RPL26L1: variants seen among roughly 807,000 people sequenced by gnomAD.
The protein encoded by RPL26L1 is ribosomal protein L26 like 1, also known as ribosomal protein uL24-like.
A neutral mutation model predicts 15.2 loss-of-function variants in RPL26L1; 8 were observed. The observed-to-expected ratio is 0.53, with a 90% confidence interval of 0.31 to 0.95. The LOEUF (loss-of-function observed/expected upper bound fraction) is 0.95. Ranked by LOEUF, RPL26L1 falls within the 40% of genes least tolerant of loss-of-function variation. The pLI is 0.05. For synonymous variants in RPL26L1, 51 were observed against 65.9 expected, an observed-to-expected ratio of 0.77 and a Z score of 1.09; for missense variants, 146 against 190.9, an observed-to-expected ratio of 0.76 and a Z score of 1.39.
At chr5:172,955,340 G>C (rs1561751828), upstream of RPL26L1, 2 of 236,660 alleles carry the variant, frequency 8.5e-6, no homozygotes, top group Non-Finnish European at 1.7e-5. Flanking sequence ...TATTGGTCAG[G>C]CTGGTCTCGA....
intron 2 of RPL26L1, among the ~76,000 whole-genome samples, chr5:172,967,336 G>A (rs1471263745): frequency 5.3e-5 from 8 of 152,010 alleles, no homozygotes; most frequent in African/African-American, 9.7e-5. Flanking sequence ...CTGCTGGTGC[G>A]TGCCTATAAT....
At chr5:172,964,964 G>A (rs924016552) in intron 2 of RPL26L1, among the ~76,000 whole-genome samples, 7 of 152,208 alleles carry the variant, frequency 4.6e-5, no homozygotes, top group East Asian at 1.9e-4. Context: ...CAGGTGGATC[G>A]CTTGAGGCCA....
upstream of RPL26L1, chr5:172,956,036 G>A (rs1415817176): frequency 3.9e-5 from 6 of 152,184 alleles, no homozygotes; most frequent in Non-Finnish European, 8.8e-5. Flanking sequence ...AACCTGCAGA[G>A]AAAATCTAAA....
rs1755131990 is a variant in RPL26L1 at position 172,959,485 on chromosome 5, G to T, written c.-10+17G>T. On this transcript the variant is annotated intron_variant, in intron 1 of 3. Transcript: ENST00000265100. ...AGTAGCCGGGTGAGTGGAGGCTGGA[G>T]TTTTCTCGGACAGTGAACTCTACCG... The T allele has an allele frequency of 9.7e-7, 1 of 1,025,704 alleles. No homozygotes were observed. Among genetic ancestry groups the T allele is most frequent in the Non-Finnish European group, 1.2e-6 (1 of 850,822 alleles). 63.5% of individuals were successfully genotyped at this position (1,025,704 alleles called of 1,614,324 possible). A position where few individuals can be genotyped will look rare whatever the true frequency, so the allele number is the denominator to read the frequency against.
chr5:172,955,243 T>A (rs1377000761), upstream of RPL26L1: 2 of 334,920 alleles, frequency 6.0e-6, no homozygotes, highest in Non-Finnish European at 1.2e-5. Flanking sequence ...GTTCTCCTGT[T>A]TCAGCCTCCT....
chr5:172,959,904 C>A lies in RPL26L1; in HGVS notation c.31C>A (p.Arg11Ser). 2 of 1,614,092 alleles carry A rather than the reference C, an allele frequency of 1.2e-6. No individual in the cohort carries two copies. Among genetic ancestry groups the A allele is most frequent in the South Asian group, 1.1e-5 (1 of 91,080 alleles). Reference protein sequence around the residue: MKFNPFVTSDRSKNRKRHFNA... With the variant: MKFNPFVTSDSSKNRKRHFNA... Reference sequence around the variant, plus strand: ...GTTCAATCCCTTCGTTACCTCGGACCGCAGTAAAAACCGCAAACGTCACTT... The same window carrying A: ...GTTCAATCCCTTCGTTACCTCGGACAGCAGTAAAAACCGCAAACGTCACTT... The change falls in exon 2 of 4, where the codon CGC becomes AGC. Residue 11 changes from arginine to serine, a missense_variant. Arg to Ser is a moderately radical substitution (Grantham distance 110). Transcript: ENST00000265100.
chr5:172,954,790 A>G, upstream of RPL26L1: 1 of 387,358 alleles, frequency 2.6e-6, no homozygotes, highest in Non-Finnish European at 5.2e-6. Context: ...CATTTAAGGG[A>G]TGGATGCCAT....
chr5:172,969,600 T>C lies in RPL26L1; in HGVS notation c.*59T>C. The stretch of plus-strand genomic sequence containing the variant: ...AGATTTTGAGGCTAGGGTGTGTTTC[T>C]TTCGAACTTTTCGGAATGTCTGGAA... On this transcript the variant is annotated 3_prime_UTR_variant, in exon 4 of 4. Transcript: ENST00000265100. The C allele has an allele frequency of 6.6e-7, 1 of 1,519,482 alleles. No homozygotes were observed. Among genetic ancestry groups the C allele is most frequent in the South Asian group, 1.2e-5 (1 of 83,116 alleles). 94.1% of individuals were successfully genotyped at this position (1,519,482 alleles called of 1,614,324 possible).
At chr5:172,957,070 A>G, upstream of RPL26L1, 1 of 406,478 alleles carries the variant, frequency 2.5e-6, no homozygotes, top group South Asian at 1.8e-5. Context: ...AGGCAGTGGC[A>G]GAGATCCAAA....
chr5:172,968,930 C>T (rs942410458), intron 3 of RPL26L1, among the ~76,000 whole-genome samples: 4 of 151,038 alleles, frequency 2.6e-5, no homozygotes, highest in Admixed American at 6.6e-5. Context: ...GCCTCAGCCT[C>T]CCAAGTAGCT....
intron 1 of RPL26L1, 52 bp downstream of exon 1, chr5:172,959,520 A>C: frequency 1.8e-6 from 2 of 1,101,886 alleles, no homozygotes; most frequent in Non-Finnish European, 2.2e-6. Flanking sequence ...GCCCCGTGAG[A>C]CCCTGCCCTA....
intron 1 of RPL26L1, 52 bp from the exon 2 acceptor site, chr5:172,959,813 C>T: frequency 1.3e-6 from 2 of 1,580,152 alleles, no homozygotes; most frequent in African/African-American, 2.7e-5. Flanking sequence ...GAGAACAGGC[C>T]CCTGTAACCC....
At chr5:172,967,212 C>T (rs1233535081) in intron 2 of RPL26L1, among the ~76,000 whole-genome samples, 1 of 151,526 alleles carries the variant, frequency 6.6e-6, no homozygotes, top group East Asian at 2.0e-4. Flanking sequence ...CACCTGTAAT[C>T]CCAGCACTTT....
In RPL26L1 at chr5:172,960,026, G is replaced by A; in HGVS notation, c.153G>A (p.Lys51=). Residue 51 remains lysine, a synonymous_variant, in exon 2 of 4, where the codon AAG becomes AAA. Coordinates refer to ENST00000265100, the MANE Select transcript of RPL26L1 (RefSeq NM_016093.4). The part of the protein sequence containing the change: ...KYNVRSMPIR[K]DDEVQVVRGH... Reference sequence around the variant, plus strand: ...ATGTCCGCTCCATGCCCATCCGCAAGGACGACGAGGTCCAGGTACGTCTCC... The same window carrying A: ...ATGTCCGCTCCATGCCCATCCGCAAAGACGACGAGGTCCAGGTACGTCTCC... 1 of 1,614,122 alleles carries A rather than the reference G, an allele frequency of 6.2e-7. No individual in the cohort carries two copies. The highest frequency in any genetic ancestry group is 8.5e-7 in the Non-Finnish European group (1 of 1,180,014).
upstream of RPL26L1, chr5:172,958,588 C>T (rs1298797207): frequency 5.5e-6 from 2 of 362,606 alleles, no homozygotes; most frequent in East Asian, 7.4e-5. Context: ...ACGGTGCCCA[C>T]GGAGGGGGCG....
upstream of RPL26L1, chr5:172,958,587 A>G (rs1381309571): frequency 5.5e-6 from 2 of 366,418 alleles, no homozygotes; most frequent in Admixed American, 5.9e-5. Flanking sequence ...CACGGTGCCC[A>G]CGGAGGGGGC....
chr5:172,958,003 G>A, upstream of RPL26L1: 1 of 231,504 alleles, frequency 4.3e-6, no homozygotes, highest in South Asian at 5.0e-5. Context: ...AGTGGCTCAC[G>A]CCTGTAATCC....
At chr5:172,957,230 T>G (rs771350176), upstream of RPL26L1, 1 of 456,290 alleles carries the variant, frequency 2.2e-6, no homozygotes, top group South Asian at 1.5e-5. Flanking sequence ...AGACAGCCAG[T>G]CTCACTACAT....
chr5:172,954,989 CTG>C, upstream of RPL26L1: 1 of 456,046 alleles, frequency 2.2e-6, no homozygotes, highest in Non-Finnish European at 4.4e-6. Flanking sequence ...AGAGGCGTCT[CTG>C]GAGACGTGCT....
Sources: allele counts gnomAD v4.1 joint callset (sites outside exome capture counted in the v4.1 genomes callset), GRCh38; gene constraint gnomAD v4.1.1; transcripts MANE v1.5; gene names NCBI Gene and HGNC (gene_info 2026-07-23, HGNC 2026-07-21).